The following XKR9 variants were observed in gnomAD, a reference collection of about 807,000 sequenced individuals.
The protein encoded by XKR9 is XK-related protein 9.
Under a neutral mutation model 32.0 loss-of-function variants are expected in XKR9, and 32 were observed. The observed-to-expected ratio is 1.00, with a 90% CI of 0.76 to 1.34. The LOEUF (loss-of-function observed/expected upper bound fraction) is 1.34, where lower values mean the gene tolerates loss of function less well. Among genes scored for constraint, XKR9 ranks in the 40% most tolerant of loss-of-function variants. The pLI, the probability that XKR9 is intolerant of heterozygous loss-of-function variation, is 0.00. For synonymous variants in XKR9, 168 were observed against 143.4 expected (o/e 1.17, Z -1.22); for missense variants, 546 against 429.7 (o/e 1.27, Z -2.39).
the XKR9 span, among the ~76,000 whole-genome samples, chr8:70,906,217 GC>G: frequency 1.7e-4 from 26 of 152,212 alleles, no homozygotes; most frequent in Non-Finnish European, 3.2e-4. Context: ...GCTTTGCCCT[GC>G]CCCTAGAGGT....
At chr8:70,684,523 T>TA (rs1397990492) in intron 3 of XKR9, among the ~76,000 whole-genome samples, 1 of 151,772 alleles carries the variant, frequency 6.6e-6, no homozygotes, top group Non-Finnish European at 1.5e-5. Flanking sequence ...TTTGAACTGT[T>TA]ATCTGGATCA....
At chr8:70,757,772 A>T (rs1159065776) in intron 2 of XKR9, among the ~76,000 whole-genome samples, 1 of 152,072 alleles carries the variant, frequency 6.6e-6, no homozygotes, top group Non-Finnish European at 1.5e-5. Flanking sequence ...TTTTTAGTAG[A>T]GACAGGATTT....
intron 2 of XKR9, among the ~76,000 whole-genome samples, chr8:70,743,434 G>A (rs534157942): frequency 2.2e-4 from 34 of 152,112 alleles, no homozygotes; most frequent in East Asian, 3.9e-4. Context: ...ACATTTTCAC[G>A]TTTGCTCATA....
At chr8:71,012,036 A>G in the XKR9 span, among the ~76,000 whole-genome samples, 61 of 52,608 alleles carry the variant, frequency 1.2e-3, no homozygotes, top group East Asian at 0.01. Context: ...CTATAGGGGG[A>G]AAAAAAAACC....
intron 4 of XKR9, among the ~76,000 whole-genome samples, chr8:70,718,839 A>G (rs1806179139): frequency 6.6e-6 from 1 of 152,168 alleles, no homozygotes; most frequent in South Asian, 2.1e-4. Flanking sequence ...ATACCCAGTA[A>G]TGGGATTGCT....
At chr8:70,713,935 C>G (rs552676526) in intron 4 of XKR9, among the ~76,000 whole-genome samples, 2 of 152,146 alleles carry the variant, frequency 1.3e-5, no homozygotes, top group Admixed American at 6.6e-5. Flanking sequence ...TATTTTCTCA[C>G]AGTTCTAGAG....
the XKR9 span, among the ~76,000 whole-genome samples, chr8:70,929,065 C>T: frequency 6.6e-6 from 1 of 152,088 alleles, no homozygotes; most frequent in African/African-American, 2.4e-5. Context: ...TGCAAATTTC[C>T]CTTACCACAT....
At chr8:70,741,191 G>A (rs955972588) in intron 2 of XKR9, among the ~76,000 whole-genome samples, 1 of 152,212 alleles carries the variant, frequency 6.6e-6, no homozygotes, top group Non-Finnish European at 1.5e-5. Context: ...AGGTGGTGGG[G>A]ACTTTGGGCA....
the XKR9 span, among the ~76,000 whole-genome samples, chr8:70,847,411 A>G: frequency 6.6e-6 from 1 of 151,912 alleles, no homozygotes; most frequent in East Asian, 1.9e-4. Flanking sequence ...GTAATATATA[A>G]TGTGCCCCAA....
chr8:70,905,006 G>T, the XKR9 span, among the ~76,000 whole-genome samples: 1 of 152,208 alleles, frequency 6.6e-6, no homozygotes, highest in Non-Finnish European at 1.5e-5. Flanking sequence ...AGTCTGATGG[G>T]CTTGCCTTTG....
chr8:71,030,773 G>A, the XKR9 span, among the ~76,000 whole-genome samples: 1 of 152,112 alleles, frequency 6.6e-6, no homozygotes, highest in African/African-American at 2.4e-5. Context: ...TTTTTAAAGG[G>A]TTTGAATTCT....
At chr8:70,832,343 T>C in the XKR9 span, among the ~76,000 whole-genome samples, 1 of 151,696 alleles carries the variant, frequency 6.6e-6, no homozygotes. Context: ...AGGAGAAAAG[T>C]AAAAGAAAAG....
chr8:70,838,887 C>T, the XKR9 span, among the ~76,000 whole-genome samples: 2 of 151,010 alleles, frequency 1.3e-5, no homozygotes, highest in African/African-American at 4.9e-5. Flanking sequence ...TTTTCAAGTC[C>T]ATGTGATTAA....
the XKR9 span, among the ~76,000 whole-genome samples, chr8:70,847,514 A>G: frequency 6.6e-6 from 1 of 152,022 alleles, no homozygotes; most frequent in Non-Finnish European, 1.5e-5. Flanking sequence ...GAGACAAAAA[A>G]TACAAAGTAT....
intron 4 of XKR9, among the ~76,000 whole-genome samples, chr8:70,715,099 T>C (rs567460928): frequency 1.3e-5 from 2 of 152,148 alleles, no homozygotes; most frequent in African/African-American, 4.8e-5. Context: ...ACATTGGGAA[T>C]AAAAGGGCTG....
At chr8:70,732,703 A>G (rs1806713059) in intron 4 of XKR9, among the ~76,000 whole-genome samples, 1 of 152,242 alleles carries the variant, frequency 6.6e-6, no homozygotes, top group Non-Finnish European at 1.5e-5. Flanking sequence ...AGTTTGACTA[A>G]TGAGGTACAG....
intron 3 of XKR9, among the ~76,000 whole-genome samples, chr8:70,691,610 C>T (rs1342568822): frequency 6.6e-6 from 1 of 152,100 alleles, no homozygotes; most frequent in East Asian, 1.9e-4. Context: ...GGAAGAGGTC[C>T]AACTTCAATC....
chr8:70,946,286 G>A, the XKR9 span, among the ~76,000 whole-genome samples: 48,320 of 151,874 alleles, frequency 0.32, 9,011 homozygotes, highest in Non-Finnish European at 0.43. Flanking sequence ...TTTTTGGCCA[G>A]TCTTAACTTC....
At chr8:71,016,867 A>T in the XKR9 span, among the ~76,000 whole-genome samples, 2 of 151,968 alleles carry the variant, frequency 1.3e-5, no homozygotes, top group Non-Finnish European at 1.5e-5. Context: ...ACAACCATTG[A>T]CCAGGAAAGC....
Sources: allele counts gnomAD v4.1 joint callset (sites outside exome capture counted in the v4.1 genomes callset), GRCh38; gene constraint gnomAD v4.1.1; transcripts MANE v1.5; gene names NCBI Gene and HGNC (gene_info 2026-07-23, HGNC 2026-07-21).